The following RIT2 variants were observed in gnomAD, a reference collection of about 807,000 sequenced individuals.
RIT2 encodes Ras like without CAAX 2, also known as GTP-binding protein Rit2.
In RIT2, 24 loss-of-function variants were observed where a neutral mutation model predicts 23.7. The observed-to-expected ratio is 1.01, with a 90% CI of 0.73 to 1.43. The LOEUF is 1.43. RIT2 is among the 40% of genes most tolerant of loss of function. The pLI, the probability that RIT2 is intolerant of heterozygous loss-of-function variation, is 0.00. For missense variants in RIT2, 236 were observed against 266.9 expected (o/e 0.88, Z 0.81); for synonymous variants, 107 against 91.1 (o/e 1.17, Z -0.99).
At chr18:42,835,681 G>A (rs10460068) in intron 4 of RIT2, among the ~76,000 whole-genome samples, 5,342 of 152,094 alleles carry the variant, frequency 0.035, 312 homozygotes, top group East Asian at 0.23. Context: ...GTGAAGGCAG[G>A]AATCAGTTTT....
At chr18:42,971,223 G>A (rs1179115027) in intron 3 of RIT2, among the ~76,000 whole-genome samples, 1 of 151,916 alleles carries the variant, frequency 6.6e-6, no homozygotes, top group Non-Finnish European at 1.5e-5. Flanking sequence ...GTTTCCTACA[G>A]GGAACATAAA....
intron 1 of RIT2, among the ~76,000 whole-genome samples, chr18:43,068,027 G>A (rs1026909041): frequency 2.0e-5 from 3 of 152,126 alleles, no homozygotes; most frequent in African/African-American, 7.2e-5. Flanking sequence ...GATATTCAAG[G>A]CTCTAATGGG....
intron 4 of RIT2, among the ~76,000 whole-genome samples, chr18:42,821,326 C>T (rs1041927903): frequency 6.6e-6 from 1 of 152,058 alleles, no homozygotes; most frequent in Non-Finnish European, 1.5e-5. Context: ...AACAAAAATA[C>T]TACCTTAAAC....
intron 4 of RIT2, among the ~76,000 whole-genome samples, chr18:42,796,406 ACT>A (rs1905362247): frequency 6.6e-6 from 1 of 152,152 alleles, no homozygotes; most frequent in East Asian, 1.9e-4. Flanking sequence ...GAGCTGTAAC[ACT>A]CACCGCGAGG....
rs1046338141 is a variant in RIT2, at chr18:43,098,971, C to T, written c.103+16446G>A. Among the ~76,000 whole-genome samples the T allele has an allele frequency of 1.4e-4, 21 of 152,132 alleles. 1 individual carries two copies. Among genetic ancestry groups the T allele is most frequent in the Admixed American group, 1.4e-3 (21 of 15,262 alleles). ...ACAGGATGGCAACATCTGGCCTATGCTCCTAAGAAAACCTCCATGCTGTTG... is the reference window on the plus strand; with the variant it reads ...ACAGGATGGCAACATCTGGCCTATGTTCCTAAGAAAACCTCCATGCTGTTG... On this transcript the variant is annotated intron_variant, in intron 1 of 4. Transcript: ENST00000326695.
chr18:42,818,508 C>T (rs1238803596), intron 4 of RIT2, among the ~76,000 whole-genome samples: 2 of 152,032 alleles, frequency 1.3e-5, no homozygotes, highest in Non-Finnish European at 2.9e-5. Flanking sequence ...ATAATGGAAT[C>T]ATCAACTAAG....
chr18:42,799,184 C>A (rs561795083), intron 4 of RIT2, among the ~76,000 whole-genome samples: 3 of 152,240 alleles, frequency 2.0e-5, no homozygotes, highest in Non-Finnish European at 4.4e-5. Context: ...TTCCCTACCC[C>A]AAAGCCCCCA....
Position 42,817,618 on chromosome 18 carries a change from C to T in RIT2, c.427-73898G>A, listed in dbSNP as rs908022213. Among the ~76,000 whole-genome samples the T allele has an allele frequency of 2.0e-5, 3 of 151,994 alleles. No homozygotes were observed. In the East Asian group the frequency reaches 5.8e-4, roughly 29 times the overall value. On this transcript the variant is annotated intron_variant, in intron 4 of 4. Coordinates refer to ENST00000326695, the MANE Select transcript of RIT2 (RefSeq NM_002930.4). ...AGCATTGAATTTTTGATGAGTGTCG[C>T]TTATCTTTAAATGGAGATTGAGAAT...
chr18:43,091,483 C>T (rs1913421737), intron 1 of RIT2, among the ~76,000 whole-genome samples: 1 of 151,980 alleles, frequency 6.6e-6, no homozygotes, highest in African/African-American at 2.4e-5. Context: ...ATAATGTGGT[C>T]TTTACTATGG....
At chr18:42,917,861 C>T (rs934858684) in intron 4 of RIT2, among the ~76,000 whole-genome samples, 1 of 152,040 alleles carries the variant, frequency 6.6e-6, no homozygotes, top group African/African-American at 2.4e-5. Flanking sequence ...TGCTCAATGC[C>T]ATCTTTTTAG....
chr18:43,061,303 A>G (rs1307056762), intron 1 of RIT2, among the ~76,000 whole-genome samples: 1 of 152,136 alleles, frequency 6.6e-6, no homozygotes, highest in East Asian at 1.9e-4. Flanking sequence ...GTAGTCTACC[A>G]TTTCTCAGTA....
intron 1 of RIT2, among the ~76,000 whole-genome samples, chr18:43,089,918 T>A (rs951533897): frequency 6.6e-6 from 1 of 151,876 alleles, no homozygotes; most frequent in African/African-American, 2.4e-5. Flanking sequence ...TAAATATACA[T>A]CCAAAACTAT....
At chr18:42,929,032 G>GAT (rs1187388200) in intron 3 of RIT2, among the ~76,000 whole-genome samples, 8 of 16,066 alleles carry the variant, frequency 5.0e-4, no homozygotes, top group African/African-American at 1.0e-3. Flanking sequence ...CTAAAATATG[G>GAT]AGATATATAT....
rs541573158 is a variant in RIT2 at position 43,034,364 on chromosome 18, T to C, written c.104-497A>G. ...CTTTAACTGTTCAAAATTAAAATTATTTCAGTTACTTTTATTTTGCCTAAT... is the reference window on the plus strand; with the variant it reads ...CTTTAACTGTTCAAAATTAAAATTACTTCAGTTACTTTTATTTTGCCTAAT... On this transcript the variant is annotated intron_variant, in intron 1 of 4. Transcript: ENST00000326695. Among the ~76,000 whole-genome samples the C allele has an allele frequency of 5.9e-5, 9 of 152,326 alleles. No homozygotes were observed. The South Asian group carries it at 1.7e-3, about 28-fold the overall frequency.
intron 1 of RIT2, among the ~76,000 whole-genome samples, chr18:43,055,486 G>A (rs957843224): frequency 1.3e-5 from 2 of 152,086 alleles, no homozygotes; most frequent in African/African-American, 4.8e-5. Context: ...TAAATCAAAA[G>A]AGGGTGCCCA....
chr18:42,886,696 A>G (rs1174973436), intron 4 of RIT2, among the ~76,000 whole-genome samples: 1 of 152,212 alleles, frequency 6.6e-6, no homozygotes, highest in Non-Finnish European at 1.5e-5. Flanking sequence ...AATTTGGGGC[A>G]TGGAATATTA....
intron 1 of RIT2, among the ~76,000 whole-genome samples, chr18:43,075,687 G>A (rs921022749): frequency 1.3e-5 from 2 of 151,992 alleles, no homozygotes; most frequent in African/African-American, 4.8e-5. Context: ...TTTAATTATA[G>A]TTGGAATTGT....
chr18:42,915,996 T>C (rs1313403505), intron 4 of RIT2, among the ~76,000 whole-genome samples: 1 of 152,008 alleles, frequency 6.6e-6, no homozygotes, highest in Non-Finnish European at 1.5e-5. Flanking sequence ...AAAACACTTG[T>C]AGGTTCTATG....
chr18:43,100,064 C>T (rs541478024), intron 1 of RIT2, among the ~76,000 whole-genome samples: 75 of 152,116 alleles, frequency 4.9e-4, no homozygotes, highest in Non-Finnish European at 9.9e-4. Context: ...CCAACAATAA[C>T]TAGTAACATA....
Sources: gnomAD v4.1 joint callset for allele counts (sites outside exome capture counted in the v4.1 genomes callset) on GRCh38, gnomAD v4.1.1 for gene constraint, MANE v1.5 for transcripts, NCBI Gene and HGNC (gene_info 2026-07-23, HGNC 2026-07-21) for gene names.